Variants in LRRK1 observed in about 807,000 individuals in gnomAD.
LRRK1 encodes the protein leucine-rich repeat serine/threonine-protein kinase 1.
Under a neutral mutation model 209.1 loss-of-function variants are expected in LRRK1, and 113 were observed. The observed-to-expected ratio is 0.54, with a 90% CI of 0.46 to 0.63. The LOEUF (loss-of-function observed/expected upper bound fraction) is 0.63. Among genes scored for constraint, LRRK1 ranks in the 30% least tolerant of loss-of-function variants. The pLI is 0.00. For synonymous variants in LRRK1, 1,144 were observed against 1,099.7 expected, an observed-to-expected ratio of 1.04 and a Z score of -0.80; for missense variants, 2,284 against 2,632.2, an observed-to-expected ratio of 0.87 and a Z score of 2.89.
At chr15:101,056,429 AT>A (rs1389320442) in intron 27 of LRRK1, among the ~76,000 whole-genome samples, 1 of 152,192 alleles carries the variant, frequency 6.6e-6, no homozygotes, top group Non-Finnish European at 1.5e-5. Context: ...GGATGGATCG[AT>A]GGATAGATGG....
chr15:100,983,852 G>T, intron 4 of LRRK1, 153 bp downstream of exon 4: 1 of 810,508 alleles, frequency 1.2e-6, no homozygotes. Flanking sequence ...AAGCTTGCCT[G>T]CCAGCCACAT....
At chr15:101,014,283 C>T (rs757161774) in intron 10 of LRRK1, 33 bp from the exon 11 acceptor site, 2 of 1,480,530 alleles carry the variant, frequency 1.4e-6, no homozygotes, top group Non-Finnish European at 1.9e-6. Context: ...CTGATGCTAT[C>T]TTAGCTTCTC....
intron 2 of LRRK1, among the ~76,000 whole-genome samples, chr15:100,966,289 G>C (rs758131049): frequency 6.6e-6 from 1 of 152,092 alleles, no homozygotes; most frequent in South Asian, 2.1e-4. Context: ...TTCCTTTCCT[G>C]GTTATTGTTT....
intron 20 of LRRK1, among the ~76,000 whole-genome samples, chr15:101,043,414 C>T (rs957882633): frequency 6.6e-6 from 1 of 151,664 alleles, no homozygotes; most frequent in Admixed American, 6.6e-5. Context: ...CATGGCCCAG[C>T]GGTGTCCTTA....
Position 101,071,232 on chromosome 15 carries a change from A to T in LRRK1, c.*2384A>T, listed in dbSNP as rs116954746. ...GGGGGGCACCCTGAGGACCCTGTCAACATCAGCTGGACCACAGGCATCTCA... is the reference window on the plus strand; with the variant it reads ...GGGGGGCACCCTGAGGACCCTGTCATCATCAGCTGGACCACAGGCATCTCA... On this transcript the variant is annotated 3_prime_UTR_variant, in exon 34 of 34. Coordinates refer to ENST00000388948, the MANE Select transcript of LRRK1 (RefSeq NM_024652.6). 2.0e-5 allele frequency: 3 copies of T among 152,346 alleles called. No individual in the cohort carries two copies. Among genetic ancestry groups the T allele is most frequent in the African/African-American group, 7.2e-5 (3 of 41,466 alleles). 9.4% of individuals were successfully genotyped at this position (152,346 alleles called of 1,614,324 possible). A position where few individuals can be genotyped will look rare whatever the true frequency, so the allele number is the denominator to read the frequency against.
At chr15:101,064,142 A>C (rs1364706968) in intron 31 of LRRK1, among the ~76,000 whole-genome samples, 2 of 152,268 alleles carry the variant, frequency 1.3e-5, no homozygotes, top group Non-Finnish European at 2.9e-5. Flanking sequence ...GGCCTGAGCC[A>C]GGACTGCAGA....
At chr15:100,927,326 C>T (rs2042133642) in intron 2 of LRRK1, among the ~76,000 whole-genome samples, 1 of 152,198 alleles carries the variant, frequency 6.6e-6, no homozygotes, top group Non-Finnish European at 1.5e-5. Flanking sequence ...TGTGGCACTC[C>T]CCAGCCCCCA....
rs938716268 is a variant in LRRK1 at position 101,075,926 on chromosome 15, T to C, written c.*7078T>C. The C allele has an allele frequency of 1.3e-5, 2 of 152,290 alleles. No homozygotes were observed. The highest frequency in any genetic ancestry group is 2.9e-5 in the Non-Finnish European group (2 of 68,108). 9.4% of individuals were successfully genotyped at this position (152,290 alleles called of 1,614,324 possible). On this transcript the variant is annotated 3_prime_UTR_variant, in exon 34 of 34. Transcript: ENST00000388948. ...CCCAAAGCTTCACAGACAGCCCCCATTACATCAGTCAAGCCCAAATTTTTT... is the reference window on the plus strand; with the variant it reads ...CCCAAAGCTTCACAGACAGCCCCCACTACATCAGTCAAGCCCAAATTTTTT...
rs190330080 is a variant in LRRK1 at position 100,969,654 on chromosome 15, C to T, written c.98-4150C>T. Among the ~76,000 whole-genome samples, 24 of 152,278 alleles carry T rather than the reference C, an allele frequency of 1.6e-4. 2 individuals are homozygous for T. Among genetic ancestry groups the T allele is most frequent in the Admixed American group, 7.8e-4 (12 of 15,300 alleles). ...CTTCCTTATGCTCTTTCCCCACCCT[C>T]CCTCACCACAGGTGCCCAGTGTGTG... On this transcript the variant is annotated intron_variant, in intron 2 of 33. Transcript: ENST00000388948.
intron 4 of LRRK1, 193 bp downstream of exon 4, chr15:100,983,892 G>C: frequency 1.3e-6 from 1 of 750,802 alleles, no homozygotes; most frequent in South Asian, 1.4e-5. Context: ...AACTCATAAG[G>C]GAAATTCTCA....
intron 29 of LRRK1, among the ~76,000 whole-genome samples, chr15:101,058,606 A>T (rs1405682101): frequency 1.5e-5 from 1 of 64,678 alleles, no homozygotes; most frequent in East Asian, 5.3e-4. Context: ...CCCAGATTGC[A>T]GAAGGGGCAA....
intron 6 of LRRK1, among the ~76,000 whole-genome samples, chr15:100,992,717 G>GGA (rs1404725761): frequency 1.3e-5 from 2 of 152,282 alleles, no homozygotes; most frequent in South Asian, 4.1e-4. Context: ...CACCCAGGCT[G>GGA]GAGTGCAATG....
rs765391519 is a variant in LRRK1 at position 101,027,214 on chromosome 15, C to T, written c.2406-47C>T. 1.9e-6 allele frequency: 3 copies of T among 1,605,692 alleles called. No homozygotes were observed. Among genetic ancestry groups the T allele is most frequent in the Admixed American group, 1.7e-5 (1 of 59,320 alleles). ...GGGAAACAGAGAAGCAGCAGCGCTTCCTCGGAGTGGGGCATGATGAGTAAA... is the reference window on the plus strand; with the variant it reads ...GGGAAACAGAGAAGCAGCAGCGCTTTCTCGGAGTGGGGCATGATGAGTAAA... On this transcript the variant is annotated intron_variant, in intron 17 of 33. Transcript: ENST00000388948. The surrounding 1 kb of genome is among the most constrained non-coding windows in gnomAD (Gnocchi z 5.1).
intron 2 of LRRK1, among the ~76,000 whole-genome samples, chr15:100,932,150 A>C (rs111256026): frequency 0.047 from 7,116 of 152,070 alleles, 463 homozygotes; most frequent in African/African-American, 0.15. Context: ...CACGCCCAGC[A>C]AATTTTTGTA....
chr15:101,003,728 T>C (rs1422640771), intron 6 of LRRK1, among the ~76,000 whole-genome samples: 2 of 152,222 alleles, frequency 1.3e-5, no homozygotes, highest in African/African-American at 4.8e-5. Flanking sequence ...ATAGGAATTA[T>C]GGGAGCTACC....
chr15:101,053,567 G>A (rs1054142929), intron 26 of LRRK1, 147 bp downstream of exon 26: 112 of 703,712 alleles, frequency 1.6e-4, no homozygotes, highest in Non-Finnish European at 2.5e-4. Context: ...CCCTGGCTGC[G>A]AGGCCAGGCT....
intron 33 of LRRK1, chr15:101,067,232 AC>A (rs1379822862): frequency 2.2e-6 from 1 of 455,560 alleles, no homozygotes; most frequent in Non-Finnish European, 4.4e-6. Flanking sequence ...GTGGGTGGGG[AC>A]CCCCAGGATT....
At chr15:101,046,941 A>C (rs1170411975) in intron 21 of LRRK1, among the ~76,000 whole-genome samples, 1 of 152,174 alleles carries the variant, frequency 6.6e-6, no homozygotes, top group Admixed American at 6.5e-5. Flanking sequence ...GGGTTCCTAT[A>C]CCAGCAAAAT....
At chr15:100,956,012 C>T (rs977519762) in intron 2 of LRRK1, among the ~76,000 whole-genome samples, 3 of 152,054 alleles carry the variant, frequency 2.0e-5, no homozygotes, top group East Asian at 1.9e-4. Context: ...AAAACAAGTT[C>T]GAAAGTCTTT....
Sources: allele counts gnomAD v4.1 joint callset (sites outside exome capture counted in the v4.1 genomes callset), GRCh38; gene constraint gnomAD v4.1.1; non-coding constraint Gnocchi (gnomAD v3.1); transcripts MANE v1.5; gene names NCBI Gene and HGNC (gene_info 2026-07-23, HGNC 2026-07-21).